Variants in ABCA13 observed in about 807,000 individuals in gnomAD.
The protein encoded by ABCA13 is ATP binding cassette subfamily A member 13.
ABCA13 carries 476 observed loss-of-function variants against 478.7 expected under a neutral mutation model. That is an observed-to-expected ratio of 0.99 (90% CI 0.92 to 1.07). The LOEUF (loss-of-function observed/expected upper bound fraction) is 1.07. Among genes scored for constraint, ABCA13 ranks in the 50% least tolerant of loss-of-function variants. ABCA13 has a pLI of 0.00. For synonymous variants in ABCA13, 2,252 were observed against 2,158.9 expected (o/e 1.04, Z -1.20); for missense variants, 6,060 against 5,910.6 (o/e 1.03, Z -0.83).
chr7:48,369,184 T>G lies in ABCA13; in HGVS notation c.10803+1276T>G, dbSNP rs185360070. ...GATGAGTATTTTTCCATATGTTTGT[T>G]GACCATTTGTCTATCTTCTTTTGAG... is the stretch of plus-strand genomic sequence containing the variant. On this transcript the variant is annotated intron_variant, in intron 32 of 61. Transcript: ENST00000435803. 6.9e-4 allele frequency among the ~76,000 whole-genome samples: 105 copies of G among 152,344 alleles called. 1 individual carries two copies. The highest frequency in any genetic ancestry group is 2.3e-3 in the African/African-American group (94 of 41,586).
chr7:48,644,465 G>A (rs1795304064), intron 60 of ABCA13, among the ~76,000 whole-genome samples, 152 bp from the exon 61 acceptor site: 1 of 152,076 alleles, frequency 6.6e-6, no homozygotes, highest in Non-Finnish European at 1.5e-5. Flanking sequence ...ATGAAAAATT[G>A]TCATCAATAA....
At chr7:48,235,357 A>C (rs1562842892) in intron 8 of ABCA13, among the ~76,000 whole-genome samples, 1 of 152,142 alleles carries the variant, frequency 6.6e-6, no homozygotes, top group African/African-American at 2.4e-5. Flanking sequence ...CCGTTTTCTC[A>C]TTATATTATA....
At chr7:48,365,988 GA>G (rs1432652936) in intron 31 of ABCA13, among the ~76,000 whole-genome samples, 1 of 151,784 alleles carries the variant, frequency 6.6e-6, no homozygotes, top group Non-Finnish European at 1.5e-5. Flanking sequence ...CACAGAAATA[GA>G]AAAAAATCCT....
intron 55 of ABCA13, among the ~76,000 whole-genome samples, chr7:48,567,610 A>G (rs962832106): frequency 2.0e-5 from 3 of 152,104 alleles, no homozygotes; most frequent in Non-Finnish European, 4.4e-5. Flanking sequence ...AACATTGAGT[A>G]TATAATACTC....
chr7:48,536,525 G>T lies in ABCA13; in HGVS notation c.14354+8180G>T, dbSNP rs530519260. ...TACGTGGGCGTGGTGGTGTGTGCCT[G>T]TAATCCCAGCTACTCAGGAGGCTGA... On this transcript the variant is annotated intron_variant, in intron 55 of 61. Coordinates refer to ENST00000435803, the MANE Select transcript of ABCA13 (RefSeq NM_152701.5). Among the ~76,000 whole-genome samples, 4 of 152,118 alleles carry T rather than the reference G, an allele frequency of 2.6e-5. No homozygotes were observed. In the South Asian group the frequency reaches 6.2e-4, roughly 24 times the overall value.
At chr7:48,360,808 C>A (rs527879916) in intron 31 of ABCA13, among the ~76,000 whole-genome samples, 1 of 151,888 alleles carries the variant, frequency 6.6e-6, no homozygotes, top group South Asian at 2.1e-4. Context: ...GCACTGTAAT[C>A]GCATGACATA....
rs557080938 is a variant in ABCA13, at chr7:48,534,036, G to T, written c.14354+5691G>T. On this transcript the variant is annotated intron_variant, in intron 55 of 61. Coordinates refer to ENST00000435803, the MANE Select transcript of ABCA13 (RefSeq NM_152701.5). Reference sequence around the variant, plus strand: ...TGTTGCCTGAATGTCTTGTTTGTTTGTCTGTTTCATTGTGTTATTGTTATA... The same window carrying T: ...TGTTGCCTGAATGTCTTGTTTGTTTTTCTGTTTCATTGTGTTATTGTTATA... Among the ~76,000 whole-genome samples, 6 of 151,806 alleles carry T rather than the reference G, an allele frequency of 4.0e-5. No individual in the cohort carries two copies. In the South Asian group the frequency reaches 1.2e-3, roughly 31 times the overall value.
intron 53 of ABCA13, 137 bp from the exon 54 acceptor site, chr7:48,524,111 C>T (rs1832734433): frequency 1.5e-6 from 1 of 684,130 alleles, no homozygotes; most frequent in Middle Eastern, 3.5e-4. Context: ...AACTGGGGTG[C>T]TCTGGACAAA....
intron 59 of ABCA13, among the ~76,000 whole-genome samples, chr7:48,632,645 C>T (rs1473914854): frequency 3.9e-5 from 6 of 151,966 alleles, no homozygotes; most frequent in Non-Finnish European, 8.8e-5. Context: ...ATGTGGTACT[C>T]ACAATAGGAT....
chr7:48,425,348 T>C (rs1174978751), intron 41 of ABCA13, among the ~76,000 whole-genome samples: 1 of 152,228 alleles, frequency 6.6e-6, no homozygotes, highest in African/African-American at 2.4e-5. Flanking sequence ...CAAGGTATGC[T>C]TCATATAATC....
chr7:48,376,831 C>G (rs78801780), intron 35 of ABCA13, among the ~76,000 whole-genome samples: 3,273 of 152,126 alleles, frequency 0.022, 65 homozygotes, highest in Non-Finnish European at 0.032. Context: ...CCAAGCAGCT[C>G]CCCAAAAGTG....
At chr7:48,454,078 C>T (rs1256653229) in intron 42 of ABCA13, among the ~76,000 whole-genome samples, 1 of 152,142 alleles carries the variant, frequency 6.6e-6, no homozygotes, top group Non-Finnish European at 1.5e-5. Flanking sequence ...CAGTACAATC[C>T]GTTTAGTACA....
rs548678473 is a variant in ABCA13, at chr7:48,564,826, T to C, written c.14355-15398T>C. Among the ~76,000 whole-genome samples the C allele has an allele frequency of 1.9e-4, 29 of 152,288 alleles. No homozygotes were observed. In the East Asian group the frequency reaches 5.0e-3, roughly 26 times the overall value. ...ATATTTGGAAAATAATACAAATATG[T>C]GTAAGCTATATTACAGACAATTGTT... On this transcript the variant is annotated intron_variant, in intron 55 of 61. Transcript: ENST00000435803.
chr7:48,188,710 A>T (rs951766471), intron 1 of ABCA13, among the ~76,000 whole-genome samples: 1 of 151,946 alleles, frequency 6.6e-6, no homozygotes. Context: ...TCAATGTATC[A>T]TTTTACCCAG....
intron 29 of ABCA13, among the ~76,000 whole-genome samples, chr7:48,344,176 A>G (rs1807689424): frequency 6.6e-6 from 1 of 152,176 alleles, no homozygotes; most frequent in Non-Finnish European, 1.5e-5. Flanking sequence ...ATGTGTGGTT[A>G]TGTCTGGAGA....
chr7:48,536,973 T>G (rs1181930028), intron 55 of ABCA13, among the ~76,000 whole-genome samples: 2 of 152,070 alleles, frequency 1.3e-5, no homozygotes, highest in Non-Finnish European at 2.9e-5. Flanking sequence ...TAATTTAAAA[T>G]TGCAAATTAC....
chr7:48,309,831 C>T (rs751105065), intron 23 of ABCA13, 116 bp from the exon 24 acceptor site: 380 of 1,189,270 alleles, frequency 3.2e-4, no homozygotes, highest in East Asian at 8.9e-4. Flanking sequence ...AGGTCAGTCC[C>T]GGGAGTTGGG....
At chr7:48,242,896 C>G (rs1475551160) in intron 10 of ABCA13, 1 of 152,232 alleles carries the variant, frequency 6.6e-6, no homozygotes, top group East Asian at 1.9e-4. Flanking sequence ...TCCTAAGCTG[C>G]AAAGTTCACC....
intron 43 of ABCA13, among the ~76,000 whole-genome samples, chr7:48,460,690 A>G (rs1442394339): frequency 6.6e-6 from 1 of 152,194 alleles, no homozygotes; most frequent in African/African-American, 2.4e-5. Context: ...CTTAACAAAT[A>G]CCACTAAATT....
Sources: allele counts gnomAD v4.1 joint callset (sites outside exome capture counted in the v4.1 genomes callset), GRCh38; gene constraint gnomAD v4.1.1; transcripts MANE v1.5; gene names NCBI Gene and HGNC (gene_info 2026-07-23, HGNC 2026-07-21).